RBFOX1: variants seen among roughly 807,000 people sequenced by gnomAD.
The protein encoded by RBFOX1 is RNA binding fox-1 homolog 1.
In RBFOX1, 8 loss-of-function variants were observed where a neutral mutation model predicts 57.7. That is an observed-to-expected ratio of 0.14 (90% CI 0.08 to 0.25). The LOEUF is 0.25. Among genes scored for constraint, RBFOX1 ranks in the 10% least tolerant of loss-of-function variants. The pLI is 1.00. For synonymous variants in RBFOX1, 326 were observed against 222.4 expected, an observed-to-expected ratio of 1.47 and a Z score of -4.15; for missense variants, 611 against 548.5, an observed-to-expected ratio of 1.11 and a Z score of -1.14.
At chr16:5,901,536 C>T (rs532874259) in intron 4 of RBFOX1, among the ~76,000 whole-genome samples, 37 of 152,216 alleles carry the variant, frequency 2.4e-4, no homozygotes, top group Middle Eastern at 6.8e-3. Flanking sequence ...TGCATGTGGC[C>T]GTTACACCTA....
At chr16:5,656,799 T>C (rs947269779) in intron 3 of RBFOX1, among the ~76,000 whole-genome samples, 7 of 152,138 alleles carry the variant, frequency 4.6e-5, no homozygotes, top group South Asian at 2.1e-4. Flanking sequence ...CAGTCTATCA[T>C]TGATGGGCGT....
chr16:6,864,457 C>T (rs1603633950), intron 3 of RBFOX1, among the ~76,000 whole-genome samples: 3 of 151,752 alleles, frequency 2.0e-5, no homozygotes, highest in South Asian at 2.1e-4. Flanking sequence ...ATCATCATGC[C>T]CGAAAAAGTA....
At chr16:7,635,390 C>G (rs894796588) in intron 11 of RBFOX1, among the ~76,000 whole-genome samples, 1 of 152,142 alleles carries the variant, frequency 6.6e-6, no homozygotes. Context: ...ACAATAGTAA[C>G]AGGTGCTCAT....
chr16:7,469,896 A>G (rs907675598), intron 4 of RBFOX1, among the ~76,000 whole-genome samples: 3 of 152,110 alleles, frequency 2.0e-5, no homozygotes, highest in African/African-American at 7.2e-5. Flanking sequence ...GAGTTTGACT[A>G]CGCTAAGTAC....
At chr16:7,503,498 C>T (rs569584158) in intron 4 of RBFOX1, among the ~76,000 whole-genome samples, 37 of 152,258 alleles carry the variant, frequency 2.4e-4, no homozygotes, top group African/African-American at 8.2e-4. Context: ...AGAATCCATC[C>T]TTCTCCCCTT....
chr16:6,478,951 A>G (rs1032736412), intron 2 of RBFOX1, among the ~76,000 whole-genome samples: 1 of 152,184 alleles, frequency 6.6e-6, no homozygotes, highest in African/African-American at 2.4e-5. Context: ...CAAAAACATA[A>G]AGTGAGCACT....
intron 1 of RBFOX1, among the ~76,000 whole-genome samples, chr16:6,233,784 T>G (rs986766758): frequency 1.3e-5 from 2 of 152,104 alleles, no homozygotes; most frequent in African/African-American, 2.4e-5. Flanking sequence ...CAACTTTATT[T>G]TTTTTCCATC....
At chr16:5,866,795 A>G (rs550453870) in intron 3 of RBFOX1, among the ~76,000 whole-genome samples, 48 of 152,338 alleles carry the variant, frequency 3.2e-4, no homozygotes, top group Admixed American at 1.3e-3. Flanking sequence ...AAATATATAA[A>G]CAACTTGGCA....
At chr16:6,817,911 C>T (rs1211782616) in intron 3 of RBFOX1, among the ~76,000 whole-genome samples, 1 of 152,106 alleles carries the variant, frequency 6.6e-6, no homozygotes, top group East Asian at 1.9e-4. Context: ...GTTCCTGGGC[C>T]ATTGCCCAAA....
At chr16:5,886,043 C>T (rs2057891607) in intron 4 of RBFOX1, among the ~76,000 whole-genome samples, 1 of 152,108 alleles carries the variant, frequency 6.6e-6, no homozygotes, top group Non-Finnish European at 1.5e-5. Flanking sequence ...CCCTTCACTC[C>T]CTCTTTCTCC....
intron 3 of RBFOX1, among the ~76,000 whole-genome samples, chr16:5,639,169 C>A (rs536274534): frequency 6.6e-6 from 1 of 152,184 alleles, no homozygotes; most frequent in Non-Finnish European, 1.5e-5. Context: ...GTCACTTGAA[C>A]TTGCTTTTGG....
intron 4 of RBFOX1, among the ~76,000 whole-genome samples, chr16:7,147,048 C>T (rs528985606): frequency 2.2e-5 from 3 of 135,502 alleles, no homozygotes; most frequent in Non-Finnish European, 4.6e-5. Context: ...GGTGCAATCT[C>T]GGCTCACTGC....
intron 1 of RBFOX1, among the ~76,000 whole-genome samples, chr16:5,435,297 G>C (rs1428993338): frequency 6.6e-6 from 1 of 152,134 alleles, no homozygotes; most frequent in African/African-American, 2.4e-5. Flanking sequence ...TGCTGCATGT[G>C]GATCTGTTTC....
chr16:5,900,760 C>T (rs1320644777), intron 4 of RBFOX1, among the ~76,000 whole-genome samples: 1 of 152,130 alleles, frequency 6.6e-6, no homozygotes, highest in East Asian at 1.9e-4. Flanking sequence ...GGGATGGTGC[C>T]AGGAATGTCA....
intron 2 of RBFOX1, among the ~76,000 whole-genome samples, chr16:6,404,670 G>A (rs998216839): frequency 1.3e-5 from 2 of 152,152 alleles, no homozygotes; most frequent in African/African-American, 4.8e-5. Flanking sequence ...TGCTAGAACA[G>A]GGAGAGTACC....
intron 1 of RBFOX1, among the ~76,000 whole-genome samples, chr16:5,263,832 G>T (rs2062795211): frequency 6.6e-6 from 1 of 152,188 alleles, no homozygotes; most frequent in Non-Finnish European, 1.5e-5. Context: ...AGCAAATATG[G>T]TTTGGAATTT....
chr16:7,492,347 A>G (rs976799821), intron 4 of RBFOX1, among the ~76,000 whole-genome samples: 1 of 152,174 alleles, frequency 6.6e-6, no homozygotes, highest in Non-Finnish European at 1.5e-5. Context: ...TACCTTAGTG[A>G]ATTTAATGAT....
At chr16:6,936,155 T>C (rs899967345) in intron 3 of RBFOX1, among the ~76,000 whole-genome samples, 10 of 152,188 alleles carry the variant, frequency 6.6e-5, no homozygotes, top group Admixed American at 3.3e-4. Flanking sequence ...TGGTCTTAAT[T>C]TGGTGTGTTG....
intron 4 of RBFOX1, among the ~76,000 whole-genome samples, chr16:7,160,299 C>T (rs900967389): frequency 6.6e-6 from 1 of 151,920 alleles, no homozygotes; most frequent in African/African-American, 2.4e-5. Context: ...AGGCAAGTTG[C>T]ATTAGTCTTC....
Sources: allele counts gnomAD v4.1 joint callset (sites outside exome capture counted in the v4.1 genomes callset), GRCh38; gene constraint gnomAD v4.1.1; transcripts MANE v1.5; gene names NCBI Gene and HGNC (gene_info 2026-07-23, HGNC 2026-07-21).